TMEM272: variants seen among roughly 807,000 people sequenced by gnomAD.
The protein encoded by TMEM272 is transmembrane protein 272.
In TMEM272, 8 loss-of-function variants were observed where a neutral mutation model predicts 3.7. The ratio of observed to expected loss-of-function variants is 2.17; its 90% CI spans 1.27 to 3.91. The LOEUF (loss-of-function observed/expected upper bound fraction) is 3.91. Among genes scored for constraint, TMEM272 ranks in the 30% most tolerant of loss-of-function variants. The probability of loss-of-function intolerance (pLI) is 0.00; values close to 1 mark genes in which losing one functional copy is unlikely to be tolerated. For synonymous variants in TMEM272, 63 were observed against 39.8 expected (o/e 1.58, Z -2.20); for missense variants, 166 against 91.5 (o/e 1.81, Z -3.32).
At chr13:51,918,000 T>A in the TMEM272 span, among the ~76,000 whole-genome samples, 3 of 152,220 alleles carry the variant, frequency 2.0e-5, no homozygotes, top group Non-Finnish European at 4.4e-5. Flanking sequence ...ATTTCTTCCA[T>A]CAGTTTTGCT....
the TMEM272 span, among the ~76,000 whole-genome samples, chr13:51,860,370 T>G: frequency 1.3e-4 from 20 of 152,194 alleles, no homozygotes; most frequent in Non-Finnish European, 2.8e-4. Flanking sequence ...CCAGGTGTGA[T>G]GGCTCACACC....
In TMEM272 at chr13:51,814,222, G is replaced by A. The variant is rs1405991554; in HGVS notation, c.*2529C>T. ...AGTCTGGGTGTCATCCCTGGATTAA[G>A]CCAGACTTCAAAGAACCACAGTTAT... On this transcript the variant is annotated 3_prime_UTR_variant, in exon 5 of 5. Transcript: ENST00000629372. The A allele has an allele frequency of 6.6e-6, 1 of 152,222 alleles. No individual in the cohort carries two copies. Among genetic ancestry groups the A allele is most frequent in the Non-Finnish European group, 1.5e-5 (1 of 68,058 alleles). The allele number at this position is 152,222 out of a possible 1,614,324, so 9.4% of individuals were successfully genotyped here.
At chr13:51,900,883 T>C in the TMEM272 span, among the ~76,000 whole-genome samples, 1 of 152,230 alleles carries the variant, frequency 6.6e-6, no homozygotes, top group Non-Finnish European at 1.5e-5. Flanking sequence ...ACACGTTTTA[T>C]GGTTCCATTT....
At chr13:51,850,397 T>C in the TMEM272 span, among the ~76,000 whole-genome samples, 1 of 152,190 alleles carries the variant, frequency 6.6e-6, no homozygotes, top group African/African-American at 2.4e-5. Flanking sequence ...GGGATATTTT[T>C]AAAGAATGTA....
the TMEM272 span, among the ~76,000 whole-genome samples, chr13:51,927,371 C>A: frequency 6.6e-6 from 1 of 151,986 alleles, no homozygotes; most frequent in Non-Finnish European, 1.5e-5. Flanking sequence ...TATATTTAGC[C>A]CCCAAAGCTG....
the TMEM272 span, among the ~76,000 whole-genome samples, chr13:51,853,746 A>T: frequency 1.3e-5 from 2 of 152,240 alleles, no homozygotes. Context: ...AGTGTAAATG[A>T]TATATGAAAA....
chr13:51,923,246 G>A, the TMEM272 span, among the ~76,000 whole-genome samples: 4 of 152,338 alleles, frequency 2.6e-5, no homozygotes, highest in Admixed American at 1.3e-4. Flanking sequence ...GACAAACCAA[G>A]TCCAGTCCTA....
At chr13:51,915,424 A>G in the TMEM272 span, among the ~76,000 whole-genome samples, 1 of 152,264 alleles carries the variant, frequency 6.6e-6, no homozygotes. Context: ...AAAAGTATAT[A>G]GGCCACATTA....
chr13:51,888,458 A>C, the TMEM272 span, among the ~76,000 whole-genome samples: 173 of 152,200 alleles, frequency 1.1e-3, 1 homozygote, highest in Non-Finnish European at 2.1e-3. Flanking sequence ...CCGTGTTAAC[A>C]ACCTTTGTGA....
At chr13:51,848,027 G>A (rs892905492), upstream of TMEM272, among the ~76,000 whole-genome samples, 8 of 152,160 alleles carry the variant, frequency 5.3e-5, no homozygotes, top group Admixed American at 3.9e-4. Context: ...GTGATTATGA[G>A]ACTCCAAAGG....
the TMEM272 span, among the ~76,000 whole-genome samples, chr13:51,868,361 G>A: frequency 2.0e-5 from 3 of 152,206 alleles, no homozygotes; most frequent in South Asian, 2.1e-4. Flanking sequence ...CATGTCACTC[G>A]AGTGTGCTTT....
At chr13:51,865,599 G>A in the TMEM272 span, 4 of 1,614,130 alleles carry the variant, frequency 2.5e-6, no homozygotes, top group Non-Finnish European at 3.4e-6. Flanking sequence ...ACTTTCCGAG[G>A]CAAGATCCAT....
the TMEM272 span, chr13:51,862,323 G>A: frequency 6.6e-6 from 1 of 152,222 alleles, no homozygotes; most frequent in African/African-American, 2.4e-5. Context: ...TAGTCTTACA[G>A]TATAACTGAA....
intron 3 of TMEM272, 39 bp downstream of exon 3, chr13:51,826,527 G>A (rs773602192): frequency 2.8e-6 from 2 of 702,410 alleles, no homozygotes; most frequent in Non-Finnish European, 5.2e-6. Context: ...CCCCAACCTG[G>A]CTGACCTGTG....
chr13:51,908,882 A>G, the TMEM272 span: 27 of 1,422,108 alleles, frequency 1.9e-5, no homozygotes, highest in East Asian at 6.9e-5. Context: ...TGTGAGGATC[A>G]GTAAACCTAT....
chr13:51,826,495 G>T, intron 3 of TMEM272, 71 bp downstream of exon 3: 2 of 698,528 alleles, frequency 2.9e-6, no homozygotes. Flanking sequence ...AATGTTTAAA[G>T]ATTACATGCC....
the TMEM272 span, among the ~76,000 whole-genome samples, chr13:51,918,997 C>T: frequency 6.6e-6 from 1 of 152,018 alleles, no homozygotes; most frequent in Non-Finnish European, 1.5e-5. Flanking sequence ...TGACACATCT[C>T]TCCTGGCTCT....
chr13:51,860,444 G>C, the TMEM272 span, among the ~76,000 whole-genome samples: 6 of 152,006 alleles, frequency 3.9e-5, no homozygotes. Context: ...TTTGAGGCCA[G>C]CCTGGGCAAC....
chr13:51,879,837 G>T, the TMEM272 span, among the ~76,000 whole-genome samples: 15 of 152,176 alleles, frequency 9.9e-5, no homozygotes, highest in African/African-American at 3.6e-4. Flanking sequence ...GTTTGCACAG[G>T]GTGGTTAGGA....
Sources: gnomAD v4.1 joint callset for allele counts (sites outside exome capture counted in the v4.1 genomes callset) on GRCh38, gnomAD v4.1.1 for gene constraint, MANE v1.5 for transcripts, NCBI Gene and HGNC (gene_info 2026-07-23, HGNC 2026-07-21) for gene names.